Variants in PKNOX1 observed in about 807,000 individuals in gnomAD.
PKNOX1 encodes the protein PBX/knotted 1 homeobox 1.
Under a neutral mutation model 51.9 loss-of-function variants are expected in PKNOX1, and 15 were observed. The ratio of observed to expected loss-of-function variants is 0.29; its 90% CI spans 0.19 to 0.45. The LOEUF is 0.45. PKNOX1 is among the 20% of genes least tolerant of loss of function. The pLI is 1.00. For missense variants in PKNOX1, 462 were observed against 547.5 expected, an observed-to-expected ratio of 0.84 and a Z score of 1.56; for synonymous variants, 219 against 211.1, an observed-to-expected ratio of 1.04 and a Z score of -0.32.
At chr21:42,983,012 G>A (rs1401590776) in intron 1 of PKNOX1, among the ~76,000 whole-genome samples, 1 of 152,092 alleles carries the variant, frequency 6.6e-6, no homozygotes, top group Non-Finnish European at 1.5e-5. Flanking sequence ...GTTTTACCAT[G>A]TTGGCCAGGC....
At chr21:42,986,775 T>C (rs1414941806) in intron 1 of PKNOX1, among the ~76,000 whole-genome samples, 1 of 152,200 alleles carries the variant, frequency 6.6e-6, no homozygotes, top group Non-Finnish European at 1.5e-5. Flanking sequence ...AGAGATGCAG[T>C]CTCTGGATCT....
intron 1 of PKNOX1, among the ~76,000 whole-genome samples, chr21:42,978,042 A>G (rs959540615): frequency 6.6e-6 from 1 of 151,202 alleles, no homozygotes; most frequent in African/African-American, 2.4e-5. Flanking sequence ...TTTTGAGACT[A>G]TTGCCCAGGT....
intron 2 of PKNOX1, among the ~76,000 whole-genome samples, chr21:43,006,393 TGGG>T (rs1978989232): frequency 6.6e-6 from 1 of 152,232 alleles, no homozygotes; most frequent in Non-Finnish European, 1.5e-5. Context: ...CCCAAAGTGC[TGGG>T]ATCACAGGCA....
intron 1 of PKNOX1, among the ~76,000 whole-genome samples, chr21:42,976,909 T>C (rs1439375219): frequency 6.6e-6 from 1 of 152,350 alleles, no homozygotes; most frequent in African/African-American, 2.4e-5. Context: ...GCTATAGCCT[T>C]ACAAAATGTA....
chr21:43,018,889 A>G (rs192914037), intron 7 of PKNOX1, among the ~76,000 whole-genome samples: 5 of 152,222 alleles, frequency 3.3e-5, no homozygotes, highest in Admixed American at 3.3e-4. Flanking sequence ...GGAGTTCAAG[A>G]CTAGCCTGGC....
Position 43,021,467 on chromosome 21 carries a change from C to G in PKNOX1, c.849+36C>G. 1.3e-6 allele frequency: 2 copies of G among 1,556,716 alleles called. No homozygotes were observed. The highest frequency in any genetic ancestry group is 1.7e-6 in the Non-Finnish European group (2 of 1,148,992). ...CTGGGCCAGCCCTTGCCTTGCAGCC[C>G]TCTGCGACGCTTGCTCTCTGGCTTA... On this transcript the variant is annotated intron_variant, in intron 8 of 10. Coordinates refer to ENST00000291547, the MANE Select transcript of PKNOX1 (RefSeq NM_004571.5). The surrounding 1 kb of genome is among the most constrained non-coding windows in gnomAD (Gnocchi z 4.6).
chr21:42,993,521 CTT>C (rs34451305), intron 1 of PKNOX1, among the ~76,000 whole-genome samples: 2 of 142,452 alleles, frequency 1.4e-5, no homozygotes, highest in Non-Finnish European at 1.5e-5. Flanking sequence ...AATTCTAAAA[CTT>C]TTTTTTTTTT....
chr21:42,979,644 A>G (rs2059016673), intron 1 of PKNOX1, among the ~76,000 whole-genome samples: 1 of 152,234 alleles, frequency 6.6e-6, no homozygotes, highest in Admixed American at 6.5e-5. Flanking sequence ...TGGGAGGCTA[A>G]GGCAGGAGAA....
chr21:42,989,706 A>G (rs890879268), intron 1 of PKNOX1, among the ~76,000 whole-genome samples: 15 of 152,134 alleles, frequency 9.9e-5, no homozygotes, highest in Non-Finnish European at 1.3e-4. Context: ...GTCGTGAGCC[A>G]CCGCCCCCAG....
At chr21:42,991,511 G>T (rs1279806746) in intron 1 of PKNOX1, among the ~76,000 whole-genome samples, 1 of 152,060 alleles carries the variant, frequency 6.6e-6, no homozygotes, top group African/African-American at 2.4e-5. Flanking sequence ...AGGATCATGA[G>T]GTCAGGAGAT....
chr21:43,028,941 G>A (rs940717580), intron 10 of PKNOX1, 67 bp downstream of exon 10: 2 of 1,473,234 alleles, frequency 1.4e-6, no homozygotes, highest in Non-Finnish European at 1.9e-6. Flanking sequence ...AAGAGGCCTG[G>A]ATCAGGCCTG....
chr21:42,993,267 C>T (rs1482846917), intron 1 of PKNOX1, among the ~76,000 whole-genome samples: 1 of 152,184 alleles, frequency 6.6e-6, no homozygotes, highest in African/African-American at 2.4e-5. Context: ...CACGAAGCTC[C>T]ATTCTTCTCC....
chr21:42,985,221 A>G (rs147845771), intron 1 of PKNOX1, among the ~76,000 whole-genome samples: 284 of 152,034 alleles, frequency 1.9e-3, no homozygotes, highest in African/African-American at 6.5e-3. Flanking sequence ...TCCTCACCTC[A>G]GGTGATCCAC....
At chr21:42,990,131 G>A (rs1050764549) in intron 1 of PKNOX1, among the ~76,000 whole-genome samples, 3 of 151,832 alleles carry the variant, frequency 2.0e-5, no homozygotes, top group Non-Finnish European at 4.4e-5. Flanking sequence ...AGCGGACACA[G>A]TGTGCCTGTA....
Position 43,006,927 on chromosome 21 carries a change from G to C in PKNOX1, c.52-564G>C, listed in dbSNP as rs375705734. On this transcript the variant is annotated intron_variant, in intron 2 of 10. Coordinates refer to ENST00000291547, the MANE Select transcript of PKNOX1 (RefSeq NM_004571.5). ...AAATGTTTTTTACCTAAATGACAAA[G>C]GCATTGCTTGTTTAAAGCAGTTTAA... is the stretch of plus-strand genomic sequence containing the variant. Among the ~76,000 whole-genome samples the C allele has an allele frequency of 5.3e-5, 8 of 152,276 alleles. No homozygotes were observed. In the South Asian group the frequency reaches 6.2e-4, roughly 12 times the overall value.
intron 5 of PKNOX1, 68 bp from the exon 6 acceptor site, chr21:43,016,840 G>A: frequency 1.0e-6 from 1 of 1,004,378 alleles, no homozygotes; most frequent in Non-Finnish European, 1.5e-6. Context: ...TGCTACTTAT[G>A]TTAAAGTTTT....
At chr21:43,004,195 C>G (rs1027776585) in intron 1 of PKNOX1, 131 bp from the exon 2 acceptor site, 2 of 480,254 alleles carry the variant, frequency 4.2e-6, no homozygotes, top group South Asian at 4.2e-5. Context: ...CGAGATCGCG[C>G]CATTGCACTC....
In PKNOX1 at chr21:43,030,053, T is replaced by C; in HGVS notation, c.1263T>C (p.Pro421=). 6.2e-7 allele frequency: 1 copy of C among 1,611,812 alleles called. No homozygotes were observed. Among genetic ancestry groups the C allele is most frequent in the Non-Finnish European group, 8.5e-7 (1 of 1,178,130 alleles). Residue 421 remains proline, a synonymous_variant, in exon 11 of 11, where the codon CCT becomes CCC. Transcript: ENST00000291547. ...STEEDAGALA[P]AHISGLVLEN... is the part of the protein sequence containing the mutation. ...AGGAGGATGCGGGTGCCCTGGCCCCTGCCCACATCAGCGGGCTGGTCTTGG... is the reference window on the plus strand; with the variant it reads ...AGGAGGATGCGGGTGCCCTGGCCCCCGCCCACATCAGCGGGCTGGTCTTGG...
chr21:43,027,425 T>C (rs530115295), intron 9 of PKNOX1, among the ~76,000 whole-genome samples: 7 of 152,322 alleles, frequency 4.6e-5, no homozygotes, highest in African/African-American at 1.7e-4. Context: ...GCATGTCTGG[T>C]TTGCTATCTT....
Sources: allele counts gnomAD v4.1 joint callset (sites outside exome capture counted in the v4.1 genomes callset), GRCh38; gene constraint gnomAD v4.1.1; non-coding constraint Gnocchi (gnomAD v3.1); transcripts MANE v1.5; gene names NCBI Gene and HGNC (gene_info 2026-07-23, HGNC 2026-07-21).